Variants in EPB41L3 observed in about 807,000 individuals in gnomAD.
EPB41L3 encodes band 4.1-like protein 3.
EPB41L3 carries 57 observed loss-of-function variants against 127.1 expected under a neutral mutation model. The ratio of observed to expected loss-of-function variants is 0.45; its 90% CI spans 0.36 to 0.56. The LOEUF (loss-of-function observed/expected upper bound fraction) is 0.56. EPB41L3 is among the 20% of genes least tolerant of loss of function. The pLI is 0.00. For synonymous variants in EPB41L3, 572 were observed against 549.5 expected (o/e 1.04, Z -0.57); for missense variants, 1,273 against 1,372.2 (o/e 0.93, Z 1.14).
intron 3 of EPB41L3, among the ~76,000 whole-genome samples, chr18:5,593,464 G>C (rs1472773812): frequency 1.3e-5 from 2 of 152,068 alleles, no homozygotes; most frequent in African/African-American, 4.8e-5. Flanking sequence ...TAGGGTGTGG[G>C]TCACAGAGAT....
At chr18:5,455,771 G>A (rs1321329597) in intron 3 of EPB41L3, among the ~76,000 whole-genome samples, 2 of 150,834 alleles carry the variant, frequency 1.3e-5, no homozygotes, top group Non-Finnish European at 2.9e-5. Flanking sequence ...CATTGGGCTT[G>A]ATTTTTTGCA....
At chr18:5,574,683 C>A (rs904687421) in intron 3 of EPB41L3, among the ~76,000 whole-genome samples, 1 of 152,090 alleles carries the variant, frequency 6.6e-6, no homozygotes, top group Admixed American at 6.6e-5. Context: ...AAGTCCTGGG[C>A]CCTGAGTCTC....
At chr18:5,574,791 G>T (rs2094321260) in intron 3 of EPB41L3, among the ~76,000 whole-genome samples, 1 of 152,162 alleles carries the variant, frequency 6.6e-6, no homozygotes, top group African/African-American at 2.4e-5. Context: ...TTGGCAGCTT[G>T]TGCCTGGTTC....
intron 3 of EPB41L3, among the ~76,000 whole-genome samples, chr18:5,592,967 G>A (rs1174454169): frequency 6.6e-6 from 1 of 152,120 alleles, no homozygotes; most frequent in Non-Finnish European, 1.5e-5. Flanking sequence ...TCACATCACT[G>A]CCCGAACATG....
chr18:5,484,269 A>G (rs1417090449), intron 2 of EPB41L3, among the ~76,000 whole-genome samples: 1 of 151,558 alleles, frequency 6.6e-6, no homozygotes, highest in East Asian at 1.9e-4. Flanking sequence ...GAAACTAAGA[A>G]GTTAAAAAAA....
intron 1 of EPB41L3, chr18:5,489,520 A>G (rs980683760): frequency 1.1e-5 from 3 of 272,620 alleles, no homozygotes; most frequent in Non-Finnish European, 2.0e-5. Context: ...CTTACATTCA[A>G]TTAAAAAAAT....
chr18:5,561,216 A>G (rs1365899672), intron 3 of EPB41L3, among the ~76,000 whole-genome samples: 3 of 152,004 alleles, frequency 2.0e-5, no homozygotes, highest in Non-Finnish European at 2.9e-5. Context: ...TGACCTCGTG[A>G]TCCGCCCGCC....
intron 2 of EPB41L3, among the ~76,000 whole-genome samples, chr18:5,484,394 A>G (rs746408935): frequency 3.5e-4 from 53 of 151,814 alleles, no homozygotes; most frequent in Admixed American, 5.2e-4. Context: ...CAAAAAAGTA[A>G]AAAGCCTTCA....
At chr18:5,401,087 A>G (rs1266792816) in intron 16 of EPB41L3, 2 of 1,326,640 alleles carry the variant, frequency 1.5e-6, no homozygotes, top group Non-Finnish European at 1.0e-6. Flanking sequence ...GGAAGTAGAC[A>G]GTTTCCAAAA....
At chr18:5,545,873 CTG>C (rs36213569), upstream of EPB41L3, among the ~76,000 whole-genome samples, 10,098 of 146,746 alleles carry the variant, frequency 0.069, 294 homozygotes, top group Non-Finnish European at 0.086. Flanking sequence ...CTGTATGACT[CTG>C]TGTGTGTGTG....
chr18:5,574,119 T>C (rs1391778064), intron 3 of EPB41L3, among the ~76,000 whole-genome samples: 1 of 152,142 alleles, frequency 6.6e-6, no homozygotes, highest in Non-Finnish European at 1.5e-5. Flanking sequence ...AGTGTGTCCT[T>C]CACAGCTAAT....
chr18:5,437,991 C>G (rs755851034), intron 6 of EPB41L3, 44 bp downstream of exon 6: 1 of 1,569,762 alleles, frequency 6.4e-7, no homozygotes, highest in Non-Finnish European at 8.8e-7. Flanking sequence ...AGAAGCACAA[C>G]TCTCCCAATA....
At chr18:5,507,935 T>C (rs1295340437) in intron 1 of EPB41L3, among the ~76,000 whole-genome samples, 1 of 152,174 alleles carries the variant, frequency 6.6e-6, no homozygotes, top group Non-Finnish European at 1.5e-5. Context: ...AACAGTAGCA[T>C]CTATCACTTT....
At chr18:5,418,526 C>T (rs1275679787) in intron 12 of EPB41L3, among the ~76,000 whole-genome samples, 1 of 151,964 alleles carries the variant, frequency 6.6e-6, no homozygotes, top group Admixed American at 6.6e-5. Flanking sequence ...CTTTTCTGTC[C>T]CCTTTAAAGC....
intron 3 of EPB41L3, among the ~76,000 whole-genome samples, chr18:5,593,972 A>G (rs1299310441): frequency 6.6e-6 from 1 of 152,148 alleles, no homozygotes; most frequent in Non-Finnish European, 1.5e-5. Context: ...CCCAGATTTC[A>G]TATTGTTCAA....
At chr18:5,462,633 C>T (rs550435901) in intron 3 of EPB41L3, among the ~76,000 whole-genome samples, 10 of 152,230 alleles carry the variant, frequency 6.6e-5, no homozygotes, top group East Asian at 1.9e-4. Flanking sequence ...GGGAAGAACC[C>T]GAGGGTGGGG....
chr18:5,535,852 C>T (rs1362594859), intron 1 of EPB41L3, among the ~76,000 whole-genome samples: 2 of 152,316 alleles, frequency 1.3e-5, no homozygotes, highest in Non-Finnish European at 2.9e-5. Context: ...CATTTGTTAC[C>T]ATTCTGTTGT....
At chr18:5,434,466 A>C (rs1056581383) in intron 6 of EPB41L3, among the ~76,000 whole-genome samples, 1 of 152,228 alleles carries the variant, frequency 6.6e-6, no homozygotes, top group African/African-American at 2.4e-5. Context: ...TCCCCAATAC[A>C]GTTCCTGAAA....
At chr18:5,460,147 T>G (rs1441713980) in intron 3 of EPB41L3, among the ~76,000 whole-genome samples, 1 of 152,232 alleles carries the variant, frequency 6.6e-6, no homozygotes, top group Non-Finnish European at 1.5e-5. Context: ...AATGAGATTG[T>G]GCAGCATTTG....
Sources: gnomAD v4.1 joint callset for allele counts (sites outside exome capture counted in the v4.1 genomes callset) on GRCh38, gnomAD v4.1.1 for gene constraint, MANE v1.5 for transcripts, NCBI Gene and HGNC (gene_info 2026-07-23, HGNC 2026-07-21) for gene names.